PRP4K: variants seen among roughly 807,000 people sequenced by gnomAD.
PRP4K encodes serine/threonine-protein kinase PRP4 homolog.
chr6:4,049,237 C>A, the PRP4K span: 1 of 795,726 alleles, frequency 1.3e-6, no homozygotes, highest in African/African-American at 1.8e-5. Flanking sequence ...AAAATTGTGG[C>A]ACATCCAACA....
At chr6:4,044,091 C>T in the PRP4K span, 200 of 1,463,732 alleles carry the variant, frequency 1.4e-4, 1 homozygote, top group Non-Finnish European at 1.7e-4. Context: ...TAATAAGAGA[C>T]GTTATTTGGG....
chr6:4,035,239 C>T, the PRP4K span, among the ~76,000 whole-genome samples: 1 of 147,186 alleles, frequency 6.8e-6, no homozygotes, highest in Non-Finnish European at 1.5e-5. Context: ...GCCTCAGCTT[C>T]CCCGAGTAGC....
At chr6:4,022,124 A>G in the PRP4K span, among the ~76,000 whole-genome samples, 3 of 147,830 alleles carry the variant, frequency 2.0e-5, no homozygotes, top group African/African-American at 7.5e-5. Context: ...GAGGCAAAGT[A>G]AGATAGAGTC....
At chr6:4,021,505 G>A in the PRP4K span, 1 of 1,563,562 alleles carries the variant, frequency 6.4e-7, no homozygotes, top group East Asian at 2.3e-5. Context: ...GCTGGAGCCC[G>A]GGGACTGCCG....
chr6:4,062,454 G>T, the PRP4K span: 1 of 152,548 alleles, frequency 6.6e-6, no homozygotes, highest in Admixed American at 6.5e-5. The surrounding 1 kb of genome is among the most constrained non-coding windows in gnomAD (Gnocchi z 4.2). Context: ...TGTTTGGGGG[G>T]TAAAATTAAT....
At chr6:4,034,697 T>C in the PRP4K span, among the ~76,000 whole-genome samples, 21 of 151,942 alleles carry the variant, frequency 1.4e-4, no homozygotes, top group Non-Finnish European at 2.6e-4. Flanking sequence ...ATTTTCTTTA[T>C]TTTTATTTAT....
chr6:4,034,397 C>T, the PRP4K span, among the ~76,000 whole-genome samples: 2 of 152,062 alleles, frequency 1.3e-5, no homozygotes, highest in Non-Finnish European at 2.9e-5. Flanking sequence ...TGTGAGGTTT[C>T]TTTATAGAAT....
At chr6:4,033,570 T>C in the PRP4K span, among the ~76,000 whole-genome samples, 1 of 152,158 alleles carries the variant, frequency 6.6e-6, no homozygotes, top group Non-Finnish European at 1.5e-5. Context: ...ATGTCTTTTT[T>C]GTATTTAGTA....
the PRP4K span, chr6:4,049,652 TA>T: frequency 7.2e-7 from 1 of 1,380,908 alleles, no homozygotes; most frequent in Non-Finnish European, 9.9e-7. Context: ...ACACAATTTT[TA>T]AATGACTGCA....
the PRP4K span, chr6:4,062,987 A>G: frequency 6.6e-6 from 1 of 152,600 alleles, no homozygotes; most frequent in African/African-American, 2.4e-5. The surrounding 1 kb of genome is among the most constrained non-coding windows in gnomAD (Gnocchi z 4.2). Context: ...AGTAAGTTCC[A>G]CTAGAAACAG....
At chr6:4,025,763 T>A in the PRP4K span, among the ~76,000 whole-genome samples, 1 of 152,162 alleles carries the variant, frequency 6.6e-6, no homozygotes, top group Non-Finnish European at 1.5e-5. Flanking sequence ...CTCCTAAGAT[T>A]TTTGTAAATT....
At chr6:4,059,264 A>T in the PRP4K span, among the ~76,000 whole-genome samples, 1 of 151,804 alleles carries the variant, frequency 6.6e-6, no homozygotes, top group South Asian at 2.1e-4. Context: ...TACATTCAGA[A>T]CCCCCACCTT....
the PRP4K span, among the ~76,000 whole-genome samples, chr6:4,036,229 T>G: frequency 2.0e-5 from 3 of 152,094 alleles, no homozygotes; most frequent in African/African-American, 7.2e-5. Flanking sequence ...GGGGTTTTTC[T>G]GGGGAGACTG....
the PRP4K span, chr6:4,056,821 G>C: frequency 8.4e-7 from 1 of 1,195,888 alleles, no homozygotes; most frequent in Non-Finnish European, 1.1e-6. Context: ...TGCCCTTTAA[G>C]TTCCTCCCCT....
the PRP4K span, among the ~76,000 whole-genome samples, chr6:4,051,673 T>A: frequency 6.6e-6 from 1 of 152,214 alleles, no homozygotes; most frequent in Admixed American, 6.5e-5. Context: ...CAAAATTTTT[T>A]AAAAATCAAA....
the PRP4K span, among the ~76,000 whole-genome samples, chr6:4,041,464 G>T: frequency 6.6e-6 from 1 of 152,102 alleles, no homozygotes; most frequent in Non-Finnish European, 1.5e-5. Flanking sequence ...GAGGTGGGAG[G>T]ATCACTTGAC....
the PRP4K span, chr6:4,060,826 T>C: frequency 1.6e-5 from 9 of 576,638 alleles, no homozygotes; most frequent in African/African-American, 1.7e-4. The surrounding 1 kb of genome is among the most constrained non-coding windows in gnomAD (Gnocchi z 4.7). Flanking sequence ...TAGACTGTTT[T>C]AAATTGCCAA....
chr6:4,026,854 C>G, the PRP4K span, among the ~76,000 whole-genome samples: 1 of 152,126 alleles, frequency 6.6e-6, no homozygotes, highest in African/African-American at 2.4e-5. Context: ...ATGGATTGAT[C>G]AGGAAAACTT....
chr6:4,021,607 G>T, the PRP4K span: 2 of 1,199,270 alleles, frequency 1.7e-6, no homozygotes, highest in Non-Finnish European at 2.4e-6. Flanking sequence ...TGGGGTGGGA[G>T]GCATGGGGAG....
Sources: allele counts gnomAD v4.1 joint callset (sites outside exome capture counted in the v4.1 genomes callset), GRCh38; gene constraint gnomAD v4.1.1; non-coding constraint Gnocchi (gnomAD v3.1); transcripts MANE v1.5; gene names NCBI Gene and HGNC (gene_info 2026-07-23, HGNC 2026-07-21).